The following ATL1 variants were observed in gnomAD, a reference collection of about 807,000 sequenced individuals.
ATL1 encodes atlastin GTPase 1, also known as atlastin-1.
In ATL1, 31 loss-of-function variants were observed where a neutral mutation model predicts 75.5. That is an observed-to-expected ratio of 0.41 (90% CI 0.31 to 0.55). ATL1 has a LOEUF of 0.55. ATL1 is among the 20% of genes least tolerant of loss of function. ATL1 has a pLI of 0.27. For synonymous variants in ATL1, 226 were observed against 233.3 expected, an observed-to-expected ratio of 0.97 and a Z score of 0.28; for missense variants, 405 against 662.6, an observed-to-expected ratio of 0.61 and a Z score of 4.27.
intron 1 of ATL1, among the ~76,000 whole-genome samples, chr14:50,568,393 C>A (rs919437821): frequency 2.0e-5 from 3 of 151,890 alleles, no homozygotes; most frequent in African/African-American, 7.3e-5. Flanking sequence ...GACAACATAA[C>A]AAGATATTGT....
At chr14:50,582,590 GTT>G (rs35684925) in intron 1 of ATL1, among the ~76,000 whole-genome samples, 1,972 of 139,696 alleles carry the variant, frequency 0.014, 37 homozygotes, top group African/African-American at 0.044. Flanking sequence ...TTGTGTTGTT[GTT>G]TTTTTTTTTT....
intron 8 of ATL1, among the ~76,000 whole-genome samples, chr14:50,615,323 A>G (rs2039404680): frequency 6.6e-6 from 1 of 152,222 alleles, no homozygotes; most frequent in Non-Finnish European, 1.5e-5. Flanking sequence ...GCATCGTGCC[A>G]GGAGTGAGAC....
rs17122674 is a variant in ATL1 at position 50,599,711 on chromosome 14, G to C, written c.630+4079G>C. Among the ~76,000 whole-genome samples, 40 of 152,120 alleles carry C rather than the reference G, an allele frequency of 2.6e-4. 1 individual carries two copies. Among genetic ancestry groups the C allele is most frequent in the Admixed American group, 2.3e-3 (35 of 15,288 alleles). ...TTTGTACAGAAGTAAGCAGAAAAAA[G>C]TGTGAGATTTATAACATGATACTAT... On this transcript the variant is annotated intron_variant, in intron 6 of 13. Coordinates refer to ENST00000358385, the MANE Select transcript of ATL1 (RefSeq NM_015915.5).
At chr14:50,549,824 C>T (rs2038679595) in intron 1 of ATL1, among the ~76,000 whole-genome samples, 1 of 152,162 alleles carries the variant, frequency 6.6e-6, no homozygotes, top group African/African-American at 2.4e-5. Context: ...GGCTAAGTTC[C>T]CTGGACTAAG....
chr14:50,611,231 C>A (rs1367019703), intron 6 of ATL1, among the ~76,000 whole-genome samples: 1 of 152,048 alleles, frequency 6.6e-6, no homozygotes, highest in Non-Finnish European at 1.5e-5. Context: ...TTTCCAATTA[C>A]AGAACCAATT....
rs2039458821 is a variant in ATL1 at position 50,620,652 on chromosome 14, A to G, written c.916A>G (p.Ser306Gly). ...GAAAATACTGATTCCTTGGCTACTT[A>G]GTCCCGAGAGCCTAGATATTAAAGA... ...NLKILIPWLL[S>G]PESLDIKEIN... Residue 306 changes from serine to glycine, a missense_variant, in exon 9 of 14, where the codon AGT (serine) becomes GGT (glycine). Physicochemically the swap from Ser to Gly is moderately conservative, Grantham distance 56. Coordinates refer to ENST00000358385, the MANE Select transcript of ATL1 (RefSeq NM_015915.5). 2.5e-6 allele frequency: 4 copies of G among 1,613,642 alleles called. No individual in the cohort carries two copies. The highest frequency in any genetic ancestry group is 3.4e-6 in the Non-Finnish European group (4 of 1,179,598).
rs2039458242 is a variant in ATL1 at position 50,620,589 on chromosome 14, T to A, written c.863-10T>A. 1 of 1,610,928 alleles carries A rather than the reference T, an allele frequency of 6.2e-7. No individual in the cohort carries two copies. Among genetic ancestry groups the A allele is most frequent in the African/African-American group, 1.3e-5 (1 of 74,824 alleles). ...TCCAAAAATAATAATGGATTTGCTT[T>A]TACTTGTAGAAATAGATGATGAATT... On this transcript the variant is annotated splice_polypyrimidine_tract_variant and intron_variant, in intron 8 of 13. Coordinates refer to ENST00000358385, the MANE Select transcript of ATL1 (RefSeq NM_015915.5).
intron 11 of ATL1, 109 bp downstream of exon 11, chr14:50,623,357 C>A: frequency 1.2e-6 from 1 of 866,240 alleles, no homozygotes; most frequent in Non-Finnish European, 1.9e-6. Context: ...AATGAGGTGG[C>A]TTTGACTTTT....
At chr14:50,541,530 A>G (rs1488277752) in intron 1 of ATL1, among the ~76,000 whole-genome samples, 2 of 152,186 alleles carry the variant, frequency 1.3e-5, no homozygotes, top group Non-Finnish European at 2.9e-5. Flanking sequence ...TCTTTGACCC[A>G]TGTAACCTGT....
chr14:50,569,140 C>G (rs1450254621), intron 1 of ATL1, among the ~76,000 whole-genome samples: 1 of 151,676 alleles, frequency 6.6e-6, no homozygotes, highest in African/African-American at 2.4e-5. Flanking sequence ...TGCTCGAGCC[C>G]TGGAGTTCAA....
chr14:50,615,713 T>C (rs2039408443), intron 8 of ATL1, among the ~76,000 whole-genome samples: 1 of 152,190 alleles, frequency 6.6e-6, no homozygotes, highest in Non-Finnish European at 1.5e-5. Flanking sequence ...ATTGTGCAAT[T>C]ACCTAATGGC....
At chr14:50,604,133 T>G (rs1186771467) in intron 6 of ATL1, among the ~76,000 whole-genome samples, 2 of 152,204 alleles carry the variant, frequency 1.3e-5, no homozygotes, top group Non-Finnish European at 2.9e-5. Flanking sequence ...TATTCTCGTC[T>G]TTAATTTTTC....
chr14:50,568,812 A>G (rs2038928437), intron 1 of ATL1, among the ~76,000 whole-genome samples: 1 of 151,678 alleles, frequency 6.6e-6, no homozygotes, highest in African/African-American at 2.4e-5. Flanking sequence ...GTAATGTTTT[A>G]ATTCGCTTAT....
chr14:50,593,736 AAG>A (rs2039185827), intron 4 of ATL1, 108 bp from the exon 5 acceptor site: 2 of 716,830 alleles, frequency 2.8e-6, no homozygotes, highest in African/African-American at 1.8e-5. Flanking sequence ...GCATGTACAT[AAG>A]AGAGTCCATT....
intron 1 of ATL1, among the ~76,000 whole-genome samples, chr14:50,550,407 G>C (rs1233515032): frequency 6.6e-6 from 1 of 152,238 alleles, no homozygotes; most frequent in Non-Finnish European, 1.5e-5. Context: ...AGCTGGTAAT[G>C]TCTTCTGAAC....
rs1431256349 is a variant in ATL1 at position 50,614,362 on chromosome 14, A to C, written c.724-11A>C. The C allele has an allele frequency of 6.2e-7, 1 of 1,613,728 alleles. No individual in the cohort carries two copies. Among genetic ancestry groups the C allele is most frequent in the African/African-American group, 1.3e-5 (1 of 74,910 alleles). On this transcript the variant is annotated splice_polypyrimidine_tract_variant and intron_variant, in intron 7 of 13. Coordinates refer to ENST00000358385, the MANE Select transcript of ATL1 (RefSeq NM_015915.5). The stretch of plus-strand genomic sequence containing the variant: ...TGAAAGTAGTTTAAACTTCAGAATG[A>C]TTTACTGCAGGTCTCAGGGAACCAG...
At chr14:50,619,131 C>T (rs1172627147) in intron 8 of ATL1, among the ~76,000 whole-genome samples, 1 of 152,208 alleles carries the variant, frequency 6.6e-6, no homozygotes, top group African/African-American at 2.4e-5. Flanking sequence ...CAGCTCACTG[C>T]AACCTCTGCC....
chr14:50,621,949 A>C (rs564184398), intron 10 of ATL1, 50 bp downstream of exon 10: 3 of 1,249,284 alleles, frequency 2.4e-6, no homozygotes, highest in African/African-American at 1.5e-5. Context: ...TAAGGCTAAG[A>C]TTTCTGGCTG....
At chr14:50,630,809 C>A in intron 13 of ATL1, 12 of 339,214 alleles carry the variant, frequency 3.5e-5, no homozygotes, top group East Asian at 1.9e-4. Flanking sequence ...AAAGCAAAAG[C>A]AAATTTCAGC....
Sources: gnomAD v4.1 joint callset for allele counts (sites outside exome capture counted in the v4.1 genomes callset) on GRCh38, gnomAD v4.1.1 for gene constraint, MANE v1.5 for transcripts, NCBI Gene and HGNC (gene_info 2026-07-23, HGNC 2026-07-21) for gene names.